Variants in CEP83 observed in about 807,000 individuals in gnomAD.
CEP83 encodes centrosomal protein 83.
CEP83 carries 70 observed loss-of-function variants against 101.9 expected under a neutral mutation model. The ratio of observed to expected loss-of-function variants is 0.69; its 90% CI spans 0.57 to 0.84. CEP83 has a LOEUF of 0.84. CEP83 is among the 40% of genes least tolerant of loss of function. The pLI is 0.00. For synonymous variants in CEP83, 264 were observed against 267.9 expected (o/e 0.99, Z 0.14); for missense variants, 715 against 787.2 (o/e 0.91, Z 1.10).
intron 6 of CEP83, among the ~76,000 whole-genome samples, chr12:94,383,399 A>C (rs2061959226): frequency 6.6e-6 from 1 of 152,072 alleles, no homozygotes; most frequent in African/African-American, 2.4e-5. Flanking sequence ...ATGATGGTTC[A>C]AGTTACAACT....
At chr12:94,319,232 T>G (rs1971215253) in intron 14 of CEP83, among the ~76,000 whole-genome samples, 1 of 152,212 alleles carries the variant, frequency 6.6e-6, no homozygotes, top group Non-Finnish European at 1.5e-5. Flanking sequence ...GTTGTTTGTA[T>G]TTCTGTGGGG....
At chr12:94,368,699 G>A (rs2061143658) in intron 9 of CEP83, 2 of 152,294 alleles carry the variant, frequency 1.3e-5, no homozygotes, top group African/African-American at 4.8e-5. Context: ...AGAAATCTTT[G>A]CAATGAAATG....
intron 15 of CEP83, among the ~76,000 whole-genome samples, chr12:94,311,392 G>A (rs189765982): frequency 2.0e-5 from 3 of 152,286 alleles, no homozygotes; most frequent in Non-Finnish European, 2.9e-5. Context: ...AGCAGGTCAT[G>A]GGAACCCCAA....
the CEP83 span, among the ~76,000 whole-genome samples, chr12:94,268,618 A>G: frequency 1.2e-4 from 10 of 85,058 alleles, no homozygotes; most frequent in African/African-American, 3.7e-4. Context: ...TTTTTAATTT[A>G]AGGAATACCA....
intron 4 of CEP83, 120 bp downstream of exon 4, chr12:94,411,576 GA>G: frequency 1.5e-6 from 1 of 688,306 alleles, no homozygotes. Context: ...ACCACTTGGA[GA>G]TACAGCAAAG....
At chr12:94,423,334 T>A (rs903473191) in intron 2 of CEP83, among the ~76,000 whole-genome samples, 2 of 152,152 alleles carry the variant, frequency 1.3e-5, no homozygotes, top group African/African-American at 4.8e-5. Context: ...TCCGCCCATC[T>A]CAGCCTCCCA....
At chr12:94,379,271 AG>A (rs1393662952) in intron 6 of CEP83, among the ~76,000 whole-genome samples, 1 of 152,204 alleles carries the variant, frequency 6.6e-6, no homozygotes, top group Non-Finnish European at 1.5e-5. Context: ...CGTGGTGTCT[AG>A]AACAGGGCTT....
intron 11 of CEP83, 125 bp downstream of exon 11, chr12:94,367,669 G>T (rs536890748): frequency 1.9e-6 from 1 of 513,326 alleles, no homozygotes; most frequent in East Asian, 3.2e-5. Context: ...TGGTTACATA[G>T]GTATTTGTAT....
At chr12:94,341,908 A>C (rs2136631383) in intron 11 of CEP83, among the ~76,000 whole-genome samples, 1 of 152,340 alleles carries the variant, frequency 6.6e-6, no homozygotes, top group South Asian at 2.1e-4. Context: ...AAAAGATTCT[A>C]ACTGGCCAAA....
chr12:94,401,799 T>C (rs2063273822), intron 5 of CEP83, among the ~76,000 whole-genome samples: 1 of 152,192 alleles, frequency 6.6e-6, no homozygotes, highest in African/African-American at 2.4e-5. Context: ...CTTGGTCACT[T>C]ATCTTGGGTC....
intron 4 of CEP83, among the ~76,000 whole-genome samples, chr12:94,411,003 T>C (rs2063843854): frequency 1.3e-5 from 2 of 152,220 alleles, no homozygotes; most frequent in African/African-American, 4.8e-5. Context: ...TAATACCTTA[T>C]TATTTGTACC....
the CEP83 span, among the ~76,000 whole-genome samples, chr12:94,291,090 T>C: frequency 6.6e-6 from 1 of 152,238 alleles, no homozygotes; most frequent in Non-Finnish European, 1.5e-5. Context: ...GGAGGGGCAC[T>C]GTAGGGCCAC....
chr12:94,408,651 C>T lies in CEP83; in HGVS notation c.324+3046G>A, dbSNP rs148716816. ...GTAAAGTGTGGTGGTGTAACCATGG[C>T]TCCCTGAAGCCTCAAACTCCTAGGC... On this transcript the variant is annotated intron_variant, in intron 4 of 16. Coordinates refer to ENST00000397809, the MANE Select transcript of CEP83 (RefSeq NM_016122.3). 4.9e-3 allele frequency among the ~76,000 whole-genome samples: 742 copies of T among 152,154 alleles called. 7 individuals are homozygous for T. The highest frequency in any genetic ancestry group is 0.017 in the African/African-American group (702 of 41,510).
chr12:94,427,921 G>A (rs1265211782), intron 2 of CEP83, among the ~76,000 whole-genome samples: 1 of 152,164 alleles, frequency 6.6e-6, no homozygotes, highest in Non-Finnish European at 1.5e-5. Flanking sequence ...TTGACGCCCT[G>A]CCAGAACCTG....
chr12:94,269,856 C>T, the CEP83 span, among the ~76,000 whole-genome samples: 1 of 152,178 alleles, frequency 6.6e-6, no homozygotes, highest in Non-Finnish European at 1.5e-5. Flanking sequence ...AAGAGTGAAA[C>T]CACTTTTTAC....
downstream of CEP83, chr12:94,306,110 C>T (rs551025136): frequency 8.6e-5 from 13 of 152,028 alleles, no homozygotes; most frequent in African/African-American, 2.9e-4. Context: ...CATTTCTGTT[C>T]CAAAACCTTT....
intron 7 of CEP83, among the ~76,000 whole-genome samples, chr12:94,376,349 T>A (rs2061534137): frequency 6.6e-6 from 1 of 152,152 alleles, no homozygotes; most frequent in Admixed American, 6.5e-5. Flanking sequence ...TCAAACATTT[T>A]GGAAGTTTCC....
intron 6 of CEP83, among the ~76,000 whole-genome samples, chr12:94,392,038 A>G (rs2062577563): frequency 1.3e-5 from 2 of 152,140 alleles, no homozygotes; most frequent in Admixed American, 1.3e-4. Flanking sequence ...CACAATAATG[A>G]TGGGAGACTT....
intron 11 of CEP83, among the ~76,000 whole-genome samples, chr12:94,362,333 C>T (rs566726691): frequency 6.6e-6 from 1 of 152,198 alleles, no homozygotes; most frequent in East Asian, 1.9e-4. Flanking sequence ...AAAAAACTAA[C>T]AACAGGCCAA....
Sources: gnomAD v4.1 joint callset for allele counts (sites outside exome capture counted in the v4.1 genomes callset) on GRCh38, gnomAD v4.1.1 for gene constraint, MANE v1.5 for transcripts, NCBI Gene and HGNC (gene_info 2026-07-23, HGNC 2026-07-21) for gene names.